The following MDN1 variants were observed in gnomAD, a reference collection of about 807,000 sequenced individuals.
The protein encoded by MDN1 is midasin.
In MDN1, 266 loss-of-function variants were observed where a neutral mutation model predicts 669.2. The ratio of observed to expected loss-of-function variants is 0.40; its 90% confidence interval spans 0.36 to 0.44. The LOEUF (loss-of-function observed/expected upper bound fraction) is 0.44, where lower values mean the gene tolerates loss of function less well. Ranked by LOEUF, MDN1 falls within the 20% of genes least tolerant of loss-of-function variation. MDN1 has a pLI of 1.00. For synonymous variants in MDN1, 2,385 were observed against 2,457.1 expected, an observed-to-expected ratio of 0.97 and a Z score of 0.87; for missense variants, 5,940 against 6,754.0, an observed-to-expected ratio of 0.88 and a Z score of 4.22.
rs968412083 is a variant in MDN1, at chr6:89,793,705, G to A, written c.855+57C>T. ...TACATAGAACCCAGCCAAAGACAGA[G>A]CACACTCAGTGTTTAGTAGGGGGAA... On this transcript the variant is annotated intron_variant, in intron 5 of 101. Transcript: ENST00000369393. 3 of 1,439,194 alleles carry A rather than the reference G, an allele frequency of 2.1e-6. No individual in the cohort carries two copies. The African/African-American group carries it at 4.3e-5, about 20-fold the overall frequency. The allele number at this position is 1,439,194 out of a possible 1,614,324, so 89.2% of individuals were successfully genotyped here.
chr6:89,780,101 A>G (rs1185087197), intron 11 of MDN1, 111 bp downstream of exon 11: 2 of 602,890 alleles, frequency 3.3e-6, no homozygotes, highest in East Asian at 3.1e-5. Context: ...ATAACAAACC[A>G]TACTTGGAAA....
At chr6:89,753,104 C>G (rs1271916582) in intron 22 of MDN1, among the ~76,000 whole-genome samples, 1 of 151,666 alleles carries the variant, frequency 6.6e-6, no homozygotes, top group Non-Finnish European at 1.5e-5. Context: ...GCCTGGGCAA[C>G]AGAGCAAGAC....
At chr6:89,679,125 TTAATA>T (rs1186798047) in intron 74 of MDN1, among the ~76,000 whole-genome samples, 3 of 152,254 alleles carry the variant, frequency 2.0e-5, no homozygotes, top group Non-Finnish European at 4.4e-5. Context: ...AAATTTCAGA[TTAATA>T]TAATATGTAT....
At chr6:89,689,841 A>G in intron 65 of MDN1, 29 bp downstream of exon 65, 2 of 1,602,218 alleles carry the variant, frequency 1.2e-6, no homozygotes, top group Non-Finnish European at 1.7e-6. Flanking sequence ...TTCATTTCCC[A>G]GGGGCATAAC....
intron 29 of MDN1, among the ~76,000 whole-genome samples, chr6:89,744,591 C>T (rs1049000757): frequency 2.6e-5 from 4 of 151,728 alleles, no homozygotes; most frequent in South Asian, 2.1e-4. Context: ...TTAGTAGAGA[C>T]GGGGTTTTGC....
chr6:89,650,977 A>G (rs2128298397), intron 95 of MDN1, 130 bp from the exon 96 acceptor site: 1 of 631,622 alleles, frequency 1.6e-6, no homozygotes, highest in Non-Finnish European at 2.8e-6. Flanking sequence ...AGCACTTTAA[A>G]TCTTCTCCCA....
chr6:89,732,510 C>A (rs761611434), intron 34 of MDN1, 47 bp downstream of exon 34: 2 of 1,539,174 alleles, frequency 1.3e-6, no homozygotes, highest in Non-Finnish European at 8.9e-7. Flanking sequence ...TTTTCCTATG[C>A]CCCTCTATAC....
intron 1 of MDN1, among the ~76,000 whole-genome samples, chr6:89,814,307 A>G (rs1178848508): frequency 6.6e-6 from 1 of 152,030 alleles, no homozygotes; most frequent in African/African-American, 2.4e-5. Flanking sequence ...AAAACAGATT[A>G]CTAGTAGCAA....
chr6:89,731,633 G>T (rs1382646178), intron 34 of MDN1, among the ~76,000 whole-genome samples: 16 of 152,024 alleles, frequency 1.1e-4, no homozygotes, highest in African/African-American at 3.9e-4. Flanking sequence ...AGGGGAGGGA[G>T]AGCATTAGGA....
intron 15 of MDN1, among the ~76,000 whole-genome samples, chr6:89,763,952 T>C (rs887833584): frequency 3.9e-5 from 6 of 152,330 alleles, no homozygotes; most frequent in East Asian, 1.9e-4. Flanking sequence ...CAGTGGCTCA[T>C]GCCTGTAATC....
chr6:89,800,986 TTTC>T (rs1292268735), intron 2 of MDN1, among the ~76,000 whole-genome samples: 1 of 152,240 alleles, frequency 6.6e-6, no homozygotes, highest in African/African-American at 2.4e-5. Flanking sequence ...GAACTGTTTT[TTTC>T]TTCTTTACTA....
At position 89,718,394 on chromosome 6, in the gene MDN1, G is replaced by C; in HGVS notation, c.6555C>G (p.Asn2185Lys). 2 of 1,613,954 alleles carry C rather than the reference G, an allele frequency of 1.2e-6. No individual in the cohort carries two copies. The highest frequency in any genetic ancestry group is 2.2e-5 in the East Asian group (1 of 44,886). Residue 2185 changes from asparagine (N) to lysine (K), a missense_variant, in exon 43 of 102, where the codon AAC becomes AAG. Physicochemically the swap from Asn to Lys is moderately conservative, Grantham distance 94. Around this residue, in one of 5 missense-constraint regions of MDN1, gnomAD observed 2,292 missense variants for 2,638.3 expected, o/e 0.87. Transcript: ENST00000369393. ...CCTTGCAGTATGAGTTGATTTTATTGTTGAGTCGCTGCATAAGCAATAACA... is the reference window on the plus strand; with the variant it reads ...CCTTGCAGTATGAGTTGATTTTATTCTTGAGTCGCTGCATAAGCAATAACA... ...EAVLLLMQRL[N>K]NKINSYCKAE... is the part of the protein sequence containing the mutation.
chr6:89,813,001 C>T (rs761517507), intron 1 of MDN1, among the ~76,000 whole-genome samples: 19 of 151,676 alleles, frequency 1.3e-4, no homozygotes, highest in Non-Finnish European at 2.1e-4. Flanking sequence ...AGTGCAATGG[C>T]GCGATCTCGG....
chr6:89,777,000 A>G (rs576731250), intron 11 of MDN1, among the ~76,000 whole-genome samples: 1 of 152,262 alleles, frequency 6.6e-6, no homozygotes, highest in Non-Finnish European at 1.5e-5. Flanking sequence ...AGTGTTGACC[A>G]CTGGGTACAT....
At chr6:89,716,960 C>T in intron 43 of MDN1, 151 bp from the exon 44 acceptor site, 1 of 907,634 alleles carries the variant, frequency 1.1e-6, no homozygotes, top group South Asian at 2.1e-5. Flanking sequence ...TGTTTAAACA[C>T]AGATAGGAAA....
intron 11 of MDN1, among the ~76,000 whole-genome samples, chr6:89,777,365 C>T (rs748095637): frequency 1.1e-4 from 17 of 152,224 alleles, no homozygotes; most frequent in Non-Finnish European, 2.2e-4. Context: ...CTGACTCCAT[C>T]TTACTTCTAA....
intron 55 of MDN1, among the ~76,000 whole-genome samples, chr6:89,701,195 G>A (rs945484808): frequency 3.9e-5 from 6 of 152,130 alleles, no homozygotes; most frequent in East Asian, 3.8e-4. Flanking sequence ...GGATGGTTGC[G>A]TCTGTGCTGA....
rs376784593 is a variant in MDN1, at chr6:89,684,982, G to A, written c.11723C>T (p.Ser3908Leu). The change falls in exon 71 of 102, where the codon TCA becomes TTA. Residue 3908 changes from serine to leucine, a missense_variant. By Grantham distance (145) the Ser-to-Leu change is moderately radical (BLOSUM62 -2). Transcript: ENST00000369393. ...LLMPQVEGKD[S>L]LCSVLWNLYH... Reference sequence around the variant, plus strand: ...CAAATTCCATAGAACACTGCAAAGTGAATCTGGAAGAAATGAAAAGGAAAC... The same window carrying A: ...CAAATTCCATAGAACACTGCAAAGTAAATCTGGAAGAAATGAAAAGGAAAC... The A allele has an allele frequency of 5.2e-5, 83 of 1,600,836 alleles. No homozygotes were observed. Among genetic ancestry groups the A allele is most frequent in the Non-Finnish European group, 7.1e-5 (83 of 1,169,794 alleles).
Position 89,690,130 on chromosome 6 carries a change from A to G in MDN1, c.10763T>C (p.Ile3588Thr), listed in dbSNP as rs1234592507. The G allele has an allele frequency of 6.2e-7, 1 of 1,614,206 alleles. No individual in the cohort carries two copies. Among genetic ancestry groups the G allele is most frequent in the South Asian group, 1.1e-5 (1 of 91,086 alleles). ...CTCCTCCAACGTTGGCTGCACCAAA[A>G]TATCTGCAAAGTCCTATAAATAGCA... The part of the protein sequence containing the change: ...FPLHEKDFAD[I>T]LVQPTLEENK... The change falls in exon 65 of 102, where the codon ATT (isoleucine) becomes ACT (threonine). Residue 3588 changes from isoleucine to threonine, a missense_variant. Physicochemically the swap from Ile to Thr is moderately conservative, Grantham distance 89 (BLOSUM62 -1). This residue lies in a region of MDN1 where 2,280 missense variants were observed against 2,576.3 expected (regional missense o/e 0.88). Coordinates refer to ENST00000369393, the MANE Select transcript of MDN1 (RefSeq NM_014611.3).
Sources: gnomAD v4.1 joint callset for allele counts (sites outside exome capture counted in the v4.1 genomes callset) on GRCh38, gnomAD v4.1.1 for gene constraint, gnomAD v4.1.1 regional missense constraint, MANE v1.5 for transcripts, NCBI Gene and HGNC (gene_info 2026-07-23, HGNC 2026-07-21) for gene names.